Variants in A2ML1 observed in about 807,000 individuals in gnomAD.
A2ML1 encodes alpha-2-macroglobulin-like protein 1.
In A2ML1, 161 loss-of-function variants were observed where a neutral mutation model predicts 181.9. The observed-to-expected ratio is 0.89, with a 90% confidence interval of 0.78 to 1.01. The LOEUF is 1.01. Among genes scored for constraint, A2ML1 ranks in the 50% least tolerant of loss-of-function variants. The pLI, the probability that A2ML1 is intolerant of heterozygous loss-of-function variation, is 0.00. For synonymous variants in A2ML1, 663 were observed against 666.8 expected, an observed-to-expected ratio of 0.99 and a Z score of 0.09; for missense variants, 1,670 against 1,768.1, an observed-to-expected ratio of 0.94 and a Z score of 1.00.
chr12:8,830,040 G>A (rs1943061214), intron 4 of A2ML1, among the ~76,000 whole-genome samples: 1 of 152,030 alleles, frequency 6.6e-6, no homozygotes, highest in Non-Finnish European at 1.5e-5. Context: ...TATGCTCCTT[G>A]TCATTTTATT....
rs757883065 is a variant in A2ML1 at position 8,838,422 on chromosome 12, T to C, written c.942T>C (p.Ile314=). 4 of 1,613,716 alleles carry C rather than the reference T, an allele frequency of 2.5e-6. No homozygotes were observed. The highest frequency in any genetic ancestry group is 2.7e-5 in the African/African-American group (2 of 74,892). The part of the protein sequence containing the change: ...IGYAYSHQIN[I]VATVVEEGTG... ...ATGCGTACAGCCATCAAATCAATAT[T>C]GTGGCTACTGTTGTGGAGGAAGGGA... Residue 314 remains isoleucine (I), a synonymous_variant, in exon 9 of 36, where the codon ATT becomes ATC. Transcript: ENST00000299698.
intron 5 of A2ML1, 140 bp from the exon 6 acceptor site, chr12:8,835,367 G>C (rs1401714778): frequency 1.1e-6 from 1 of 918,276 alleles, no homozygotes; most frequent in Non-Finnish European, 1.7e-6. Flanking sequence ...ACAGGGAGCT[G>C]CTCTTCCTGG....
intron 24 of A2ML1, 31 bp from the exon 25 acceptor site, chr12:8,857,476 C>T (rs1944109613): frequency 1.2e-6 from 2 of 1,611,086 alleles, no homozygotes; most frequent in African/African-American, 1.3e-5. Flanking sequence ...GAAGTTGTCG[C>T]TGTGATCTAA....
At chr12:8,874,561 C>G (rs745614788) in intron 34 of A2ML1, 34 bp downstream of exon 34, 3 of 1,513,108 alleles carry the variant, frequency 2.0e-6, no homozygotes, top group African/African-American at 1.4e-5. Context: ...GATCTGAGAT[C>G]TTACCTGCAT....
intron 24 of A2ML1, 63 bp from the exon 25 acceptor site, chr12:8,857,444 G>A: frequency 6.2e-7 from 1 of 1,606,688 alleles, no homozygotes; most frequent in Non-Finnish European, 8.5e-7. Flanking sequence ...CCATATCCTT[G>A]AACGGCATGG....
intron 10 of A2ML1, among the ~76,000 whole-genome samples, chr12:8,840,681 G>A (rs916900084): frequency 2.6e-5 from 4 of 151,878 alleles, no homozygotes; most frequent in Non-Finnish European, 5.9e-5. Context: ...AGGCTGAGGC[G>A]GGCGAATCAC....
Position 8,839,250 on chromosome 12 carries a change from CA to C in A2ML1, c.1080+35del, listed in dbSNP as rs767040713. 7.3e-5 allele frequency: 111 copies of C among 1,521,384 alleles called. No individual in the cohort carries two copies. In the African/African-American group the frequency reaches 1.4e-3, roughly 19 times the overall value. 94.2% of individuals were successfully genotyped at this position (1,521,384 alleles called of 1,614,324 possible). ...ATGTTAAAACTTTTCTCTGCATAGACAAAAAAATGCATAACCATCTACTTTG... is the reference window on the plus strand; with the variant it reads ...ATGTTAAAACTTTTCTCTGCATAGACAAAAAATGCATAACCATCTACTTTG... On this transcript the variant is annotated intron_variant, in intron 10 of 35. Transcript: ENST00000299698.
chr12:8,835,460 T>C, intron 5 of A2ML1, 47 bp from the exon 6 acceptor site: 2 of 1,608,666 alleles, frequency 1.2e-6, no homozygotes, highest in South Asian at 1.1e-5. Context: ...CAATGCAGAG[T>C]GGGAAGCAAA....
In A2ML1 at chr12:8,845,303, C is replaced by G. The variant is rs770757107; in HGVS notation, c.1477-139C>G. 3 of 1,402,996 alleles carry G rather than the reference C, an allele frequency of 2.1e-6. No homozygotes were observed. The African/African-American group carries it at 4.2e-5, about 20-fold the overall frequency. The allele number at this position is 1,402,996 out of a possible 1,614,324, so 86.9% of individuals were successfully genotyped here. On this transcript the variant is annotated intron_variant, in intron 12 of 35. Coordinates refer to ENST00000299698, the MANE Select transcript of A2ML1 (RefSeq NM_144670.6). ...CCTGCATTTGTCAAGCTAGTGGATG[C>G]TGGGTGAGGTATTGACCCGGACTCT...
In A2ML1 at chr12:8,845,861, A is replaced by AAT. The variant is rs1555111279; in HGVS notation, c.1538-215_1538-214insTA. ...CGAGACTCCGTCTCAAAAAAAAAAAAAAATAAATAAAATAAAATAAAATAA... is the reference window on the plus strand; with the variant it reads ...CGAGACTCCGTCTCAAAAAAAAAAAAATAAATAAATAAAATAAAATAAAATAA... On this transcript the variant is annotated intron_variant, in intron 13 of 35. Coordinates refer to ENST00000299698, the MANE Select transcript of A2ML1 (RefSeq NM_144670.6). Among the ~76,000 whole-genome samples, 19 of 87,336 alleles carry AAT rather than the reference A, an allele frequency of 2.2e-4. No individual in the cohort carries two copies. In the East Asian group the frequency reaches 3.3e-3, roughly 15 times the overall value. 57.3% of individuals were successfully genotyped at this position (87,336 alleles called of 152,430 possible).
chr12:8,831,401 G>T (rs553964968), intron 4 of A2ML1, among the ~76,000 whole-genome samples: 1 of 152,170 alleles, frequency 6.6e-6, no homozygotes, highest in African/African-American at 2.4e-5. Flanking sequence ...CAAATGAAGC[G>T]GGATTACTTC....
At chr12:8,854,957 C>A (rs373431758) in intron 22 of A2ML1, 126 bp downstream of exon 22, 1 of 993,802 alleles carries the variant, frequency 1.0e-6, no homozygotes, top group Non-Finnish European at 1.5e-6. Flanking sequence ...TGCAGTGGCA[C>A]GATTTCAGCT....
At chr12:8,877,496 AAC>A (rs1320357805), downstream of A2ML1, among the ~76,000 whole-genome samples, 4 of 152,228 alleles carry the variant, frequency 2.6e-5, no homozygotes, top group South Asian at 4.1e-4. Flanking sequence ...ACAAGAAAAA[AAC>A]AAATAATCCC....
At chr12:8,844,934 G>A in intron 12 of A2ML1, 1 of 1,251,544 alleles carries the variant, frequency 8.0e-7, no homozygotes, top group Non-Finnish European at 1.0e-6. Flanking sequence ...CAAGATCACC[G>A]AGTTCTGTTT....
chr12:8,846,007 A>C, intron 13 of A2ML1, 70 bp from the exon 14 acceptor site: 1 of 1,582,124 alleles, frequency 6.3e-7, no homozygotes, highest in Non-Finnish European at 8.7e-7. Context: ...TGAAAAGTAC[A>C]TATGGTTAGA....
chr12:8,843,322 C>T lies in A2ML1; in HGVS notation c.1437C>T (p.Ala479=), dbSNP rs1395985225. ...EVLVDYYIDP[A]DASPDQEISF... ...TGGTGGATTATTACATCGACCCGGC[C>T]GATGCAAGCCCTGACCAAGAGATCA... is the stretch of plus-strand genomic sequence containing the variant. The change falls in exon 12 of 36, where the codon GCC becomes GCT. Residue 479 remains alanine (A), a synonymous_variant. Coordinates refer to ENST00000299698, the MANE Select transcript of A2ML1 (RefSeq NM_144670.6). 5 of 1,613,694 alleles carry T rather than the reference C, an allele frequency of 3.1e-6. No individual in the cohort carries two copies. The highest frequency in any genetic ancestry group is 2.7e-5 in the African/African-American group (2 of 74,568).
intron 2 of A2ML1, 139 bp from the exon 3 acceptor site, chr12:8,823,581 T>C: frequency 9.0e-7 from 1 of 1,108,752 alleles, no homozygotes; most frequent in South Asian, 1.6e-5. Flanking sequence ...TTCTTCCTCG[T>C]GGTAATTTGT....
chr12:8,864,183 C>T (rs914511889), intron 29 of A2ML1, among the ~76,000 whole-genome samples, 175 bp downstream of exon 29: 12 of 124,036 alleles, frequency 9.7e-5, no homozygotes, highest in African/African-American at 3.2e-4. Flanking sequence ...TTAATAGTAC[C>T]AGATGTATTT....
chr12:8,850,178 A>T lies in A2ML1; in HGVS notation c.2138A>T (p.Glu713Val). ...TCATCAGCAGGCGGTGGTCATCCAG[A>T]GGCTTTTGAGTCATCAACTCCTTTA... ...TAMGAGGGHP[E>V]AFESSTPLHQ... The change falls in exon 18 of 36, where the codon GAG becomes GTG. Residue 713 changes from glutamate to valine, a missense_variant. Physicochemically the swap from Glu to Val is moderately radical, Grantham distance 121. Coordinates refer to ENST00000299698, the MANE Select transcript of A2ML1 (RefSeq NM_144670.6). The T allele has an allele frequency of 6.2e-7, 1 of 1,609,886 alleles. No homozygotes were observed. The highest frequency in any genetic ancestry group is 8.5e-7 in the Non-Finnish European group (1 of 1,178,870).
Sources: allele counts gnomAD v4.1 joint callset (sites outside exome capture counted in the v4.1 genomes callset), GRCh38; gene constraint gnomAD v4.1.1; transcripts MANE v1.5; gene names NCBI Gene and HGNC (gene_info 2026-07-23, HGNC 2026-07-21).